RANBP2: variants seen among roughly 807,000 people sequenced by gnomAD.
The protein encoded by RANBP2 is RAN binding protein 2.
A neutral mutation model predicts 303.6 loss-of-function variants in RANBP2; 57 were observed. The ratio of observed to expected loss-of-function variants is 0.19; its 90% CI spans 0.15 to 0.23. RANBP2 has a LOEUF of 0.23. RANBP2 is among the 10% of genes least tolerant of loss of function. The pLI is 1.00. For synonymous variants in RANBP2, 1,167 were observed against 1,301.5 expected (o/e 0.90, Z 2.23); for missense variants, 3,138 against 3,780.8 (o/e 0.83, Z 4.46).
the RANBP2 span, among the ~76,000 whole-genome samples, chr2:109,595,886 G>T: frequency 2.6e-5 from 4 of 152,134 alleles, no homozygotes. Context: ...GAGGAGGGTA[G>T]AACATTCCAT....
chr2:109,490,718 C>G, the RANBP2 span: 5 of 1,535,102 alleles, frequency 3.3e-6, no homozygotes, highest in Non-Finnish European at 4.4e-6. Context: ...CCGTGGACGC[C>G]CTGCTCCAAG....
chr2:109,327,725 A>G, the RANBP2 span, among the ~76,000 whole-genome samples: 2 of 152,258 alleles, frequency 1.3e-5, no homozygotes, highest in Non-Finnish European at 2.9e-5. Context: ...ACCACTTAAA[A>G]TAGCAACAAA....
At chr2:109,250,544 G>T in the RANBP2 span, among the ~76,000 whole-genome samples, 3 of 151,620 alleles carry the variant, frequency 2.0e-5, no homozygotes, top group Non-Finnish European at 4.4e-5. Context: ...GAATTTGACC[G>T]TTTTTCTTTT....
the RANBP2 span, among the ~76,000 whole-genome samples, chr2:109,414,218 C>T: frequency 2.0e-5 from 3 of 152,186 alleles, no homozygotes; most frequent in African/African-American, 2.4e-5. Context: ...TTCAGGACAA[C>T]GATCACGAGC....
chr2:109,661,016 T>C, the RANBP2 span, among the ~76,000 whole-genome samples: 1 of 152,228 alleles, frequency 6.6e-6, no homozygotes, highest in Non-Finnish European at 1.5e-5. Flanking sequence ...TTGGCTTATC[T>C]GCTAAAACAG....
the RANBP2 span, among the ~76,000 whole-genome samples, chr2:109,325,032 T>C: frequency 1.4e-5 from 2 of 137,962 alleles, no homozygotes; most frequent in East Asian, 1.9e-4. Context: ...GAGATGTTTT[T>C]AAAATGTGTG....
At chr2:109,377,731 G>A in the RANBP2 span, among the ~76,000 whole-genome samples, 2 of 152,178 alleles carry the variant, frequency 1.3e-5, no homozygotes, top group East Asian at 1.9e-4. Context: ...TGATGATAGC[G>A]TGCCTCATCA....
At chr2:109,349,764 C>T in the RANBP2 span, among the ~76,000 whole-genome samples, 1 of 152,226 alleles carries the variant, frequency 6.6e-6, no homozygotes, top group Non-Finnish European at 1.5e-5. Context: ...TCTGGGTAGG[C>T]CTGCTTCTCT....
the RANBP2 span, among the ~76,000 whole-genome samples, chr2:109,599,122 C>T: frequency 6.6e-6 from 1 of 152,008 alleles, no homozygotes; most frequent in South Asian, 2.1e-4. Flanking sequence ...ATGCAGACCA[C>T]ACTGCTAGAA....
rs370656129 is a variant in RANBP2, at chr2:108,771,756, A to C, written c.7905A>C (p.Val2635=). Residue 2635 remains valine (V), a synonymous_variant, in exon 21 of 29, where the codon GTA becomes GTC. Transcript: ENST00000283195. The stretch of plus-strand genomic sequence containing the variant: ...CCTCAGATGATGATGTTCTCATTGT[A>C]TATGAACTAACTCCAACCGCTGAGC... ...DSPSDDDVLI[V]YELTPTAEQK... 6.2e-7 allele frequency: 1 copy of C among 1,613,998 alleles called. No homozygotes were observed. Among genetic ancestry groups the C allele is most frequent in the Non-Finnish European group, 8.5e-7 (1 of 1,179,938 alleles).
the RANBP2 span, among the ~76,000 whole-genome samples, chr2:109,448,509 G>A: frequency 1.3e-5 from 2 of 152,084 alleles, no homozygotes; most frequent in Admixed American, 6.5e-5. Context: ...GCGGCATTAG[G>A]TTCTCATAGG....
At chr2:108,755,136 G>A (rs1157500973) in intron 16 of RANBP2, 40 bp from the exon 17 acceptor site, 1 of 1,611,908 alleles carries the variant, frequency 6.2e-7, no homozygotes, top group South Asian at 1.1e-5. Context: ...TCTGTTCTAA[G>A]TGTTTTAAAT....
chr2:109,661,539 C>T, the RANBP2 span, among the ~76,000 whole-genome samples: 2 of 152,166 alleles, frequency 1.3e-5, no homozygotes, highest in Non-Finnish European at 2.9e-5. Context: ...AGTCACCGTG[C>T]CTGGCCAAGT....
the RANBP2 span, among the ~76,000 whole-genome samples, chr2:109,182,584 C>G: frequency 1.3e-5 from 2 of 152,172 alleles, no homozygotes; most frequent in African/African-American, 4.8e-5. Flanking sequence ...AGATATTTTG[C>G]ATTAATTGCA....
the RANBP2 span, among the ~76,000 whole-genome samples, chr2:109,253,695 T>C: frequency 6.6e-6 from 1 of 152,158 alleles, no homozygotes; most frequent in Non-Finnish European, 1.5e-5. Context: ...TTTGGCTGTC[T>C]GGAAAATAGA....
the RANBP2 span, among the ~76,000 whole-genome samples, chr2:109,312,182 G>A: frequency 0.31 from 47,444 of 152,040 alleles, 9,181 homozygotes; most frequent in African/African-American, 0.55. Context: ...AAAGTCTAAT[G>A]AAAATCTTAC....
chr2:109,592,427 C>T, the RANBP2 span, among the ~76,000 whole-genome samples: 2,512 of 149,100 alleles, frequency 0.017, 65 homozygotes, highest in African/African-American at 0.058. Flanking sequence ...ATTGCACCAT[C>T]GCATTCCAGC....
the RANBP2 span, among the ~76,000 whole-genome samples, chr2:108,849,599 C>A: frequency 6.6e-6 from 1 of 152,186 alleles, no homozygotes; most frequent in East Asian, 1.9e-4. Context: ...ACGATTCTTT[C>A]TCACAAGGTT....
the RANBP2 span, among the ~76,000 whole-genome samples, chr2:109,298,537 C>T: frequency 7.9e-4 from 120 of 152,204 alleles, 2 homozygotes; most frequent in South Asian, 0.023. Context: ...CCACCCTGAC[C>T]TTGACTTTGG....
Sources: gnomAD v4.1 joint callset for allele counts (sites outside exome capture counted in the v4.1 genomes callset) on GRCh38, gnomAD v4.1.1 for gene constraint, MANE v1.5 for transcripts, NCBI Gene and HGNC (gene_info 2026-07-23, HGNC 2026-07-21) for gene names.